Variants in MAF observed in about 807,000 individuals in gnomAD.
The protein encoded by MAF is MAF bZIP transcription factor.
MAF carries 10 observed loss-of-function variants against 22.0 expected under a neutral mutation model. That is an observed-to-expected ratio of 0.45 (90% confidence interval 0.28 to 0.77). The LOEUF (loss-of-function observed/expected upper bound fraction) is 0.77, where lower values mean the gene tolerates loss of function less well. Among genes scored for constraint, MAF ranks in the 30% least tolerant of loss-of-function variants. The pLI, the probability that MAF is intolerant of heterozygous loss-of-function variation, is 0.12. For synonymous variants in MAF, 337 were observed against 255.8 expected (o/e 1.32, Z -3.03); for missense variants, 544 against 548.4 (o/e 0.99, Z 0.08).
At chr16:79,595,508 G>A in intron 1 of MAF, 3 of 1,059,664 alleles carry the variant, frequency 2.8e-6, no homozygotes, top group Non-Finnish European at 3.4e-6. Context: ...CATTCTATTG[G>A]TGTGCTAGGG....
At chr16:79,478,187 A>C in the MAF span, among the ~76,000 whole-genome samples, 55 of 152,256 alleles carry the variant, frequency 3.6e-4, no homozygotes, top group Non-Finnish European at 7.1e-4. Flanking sequence ...CTTCCCCGTC[A>C]TCCTGTGCTA....
chr16:79,590,506 C>T (rs184178838), downstream of MAF, among the ~76,000 whole-genome samples: 483 of 152,234 alleles, frequency 3.2e-3, 2 homozygotes, highest in Non-Finnish European at 5.0e-3. Context: ...TCTTTCATGG[C>T]CCTGGATGAC....
At chr16:79,405,348 C>A in the MAF span, among the ~76,000 whole-genome samples, 4 of 152,160 alleles carry the variant, frequency 2.6e-5, no homozygotes, top group Non-Finnish European at 4.4e-5. Context: ...CTGAGCCTCA[C>A]AGAAACAAAG....
the MAF span, among the ~76,000 whole-genome samples, chr16:79,487,813 T>G: frequency 6.6e-6 from 1 of 152,102 alleles, no homozygotes; most frequent in African/African-American, 2.4e-5. Context: ...TCCCCGTGGT[T>G]GCTAAGAATC....
At chr16:79,288,764 G>A in the MAF span, among the ~76,000 whole-genome samples, 106 of 152,204 alleles carry the variant, frequency 7.0e-4, no homozygotes, top group African/African-American at 2.5e-3. Context: ...GGGTCTCGCT[G>A]TGTCACCCAG....
At chr16:79,241,645 C>G in the MAF span, among the ~76,000 whole-genome samples, 1 of 151,972 alleles carries the variant, frequency 6.6e-6, no homozygotes, top group Non-Finnish European at 1.5e-5. Context: ...CAGAACTTCC[C>G]CAACCTGGCA....
chr16:79,528,191 T>C, the MAF span, among the ~76,000 whole-genome samples: 1 of 152,154 alleles, frequency 6.6e-6, no homozygotes, highest in Non-Finnish European at 1.5e-5. Flanking sequence ...TTGCCAGGGA[T>C]CTCATATTCC....
At chr16:79,489,450 G>C in the MAF span, among the ~76,000 whole-genome samples, 1 of 152,196 alleles carries the variant, frequency 6.6e-6, no homozygotes, top group South Asian at 2.1e-4. Flanking sequence ...AAGAGGAGTT[G>C]ATTCCCTGGG....
chr16:79,358,813 C>A, the MAF span, among the ~76,000 whole-genome samples: 4 of 152,180 alleles, frequency 2.6e-5, no homozygotes, highest in Admixed American at 2.6e-4. Context: ...GATTCTTGCT[C>A]TGGAGCCCAT....
chr16:79,460,085 G>T, the MAF span, among the ~76,000 whole-genome samples: 1 of 152,062 alleles, frequency 6.6e-6, no homozygotes, highest in African/African-American at 2.4e-5. Context: ...TATTGCCTCA[G>T]AACAGATCTT....
chr16:79,512,202 G>A, the MAF span, among the ~76,000 whole-genome samples: 3 of 152,138 alleles, frequency 2.0e-5, no homozygotes, highest in South Asian at 2.1e-4. Flanking sequence ...TAAGCTAGAG[G>A]CACAAAGAAC....
In MAF at chr16:79,600,489, T is replaced by C. The variant is rs1913973975; in HGVS notation, c.-587A>G. ...CTGCTTGGCTCTCTTTATTATTTTT[T>C]TTCTTTCCTCTCTCTCCCTCGCGCG... On this transcript the variant is annotated 5_prime_UTR_variant, in exon 1 of 2. Coordinates refer to ENST00000326043, the MANE Select transcript of MAF (RefSeq NM_005360.5). 1 of 195,050 alleles carries C rather than the reference T, an allele frequency of 5.1e-6. No individual in the cohort carries two copies. The highest frequency in any genetic ancestry group is 1.2e-5 in the Non-Finnish European group (1 of 84,776). 12.1% of individuals were successfully genotyped at this position (195,050 alleles called of 1,614,324 possible).
the MAF span, among the ~76,000 whole-genome samples, chr16:79,439,401 A>G: frequency 6.6e-6 from 1 of 151,200 alleles, no homozygotes; most frequent in Non-Finnish European, 1.5e-5. Flanking sequence ...AGCTGGGACC[A>G]CAGGCGCCCG....
the MAF span, among the ~76,000 whole-genome samples, chr16:79,284,685 A>G: frequency 6.6e-6 from 1 of 152,202 alleles, no homozygotes; most frequent in Non-Finnish European, 1.5e-5. Context: ...CAAACTGTGC[A>G]GGGCTGGTGT....
chr16:79,482,691 G>C, the MAF span, among the ~76,000 whole-genome samples: 29 of 152,086 alleles, frequency 1.9e-4, no homozygotes, highest in Non-Finnish European at 4.4e-5. Context: ...TGGGGTGGTG[G>C]CTGCTGGAGG....
the MAF span, among the ~76,000 whole-genome samples, chr16:79,436,482 C>T: frequency 7.9e-5 from 12 of 152,314 alleles, no homozygotes; most frequent in African/African-American, 2.6e-4. Flanking sequence ...ATAACACTGC[C>T]GATGACCCAT....
the MAF span, among the ~76,000 whole-genome samples, chr16:79,234,338 G>T: frequency 6.6e-6 from 1 of 151,994 alleles, no homozygotes; most frequent in African/African-American, 2.4e-5. Flanking sequence ...TTATTAAAAA[G>T]CAATAGCTTG....
chr16:79,256,236 C>T, the MAF span, among the ~76,000 whole-genome samples: 1 of 151,800 alleles, frequency 6.6e-6, no homozygotes, highest in Non-Finnish European at 1.5e-5. Context: ...GATCCGCCTG[C>T]CTCGGCCTCC....
chr16:79,551,976 A>G, the MAF span, among the ~76,000 whole-genome samples: 1 of 151,424 alleles, frequency 6.6e-6, no homozygotes, highest in African/African-American at 2.4e-5. Flanking sequence ...CACAGCTGTG[A>G]TTTTTTTTTA....
Sources: gnomAD v4.1 joint callset for allele counts (sites outside exome capture counted in the v4.1 genomes callset) on GRCh38, gnomAD v4.1.1 for gene constraint, MANE v1.5 for transcripts, NCBI Gene and HGNC (gene_info 2026-07-23, HGNC 2026-07-21) for gene names.